EML4: variants seen among roughly 807,000 people sequenced by gnomAD.
EML4 encodes EMAP like 4.
EML4 carries 72 observed loss-of-function variants against 129.0 expected under a neutral mutation model. The ratio of observed to expected loss-of-function variants is 0.56; its 90% CI spans 0.46 to 0.68. The LOEUF is 0.68. EML4 is among the 30% of genes least tolerant of loss of function. The probability of loss-of-function intolerance (pLI) is 0.00; values close to 1 mark genes in which losing one functional copy is unlikely to be tolerated. For missense variants in EML4, 1,363 were observed against 1,190.6 expected (o/e 1.14, Z -2.13); for synonymous variants, 532 against 405.0 (o/e 1.31, Z -3.77).
At chr2:42,262,214 G>A (rs1284537846) in intron 4 of EML4, among the ~76,000 whole-genome samples, 1 of 151,998 alleles carries the variant, frequency 6.6e-6, no homozygotes, top group East Asian at 1.9e-4. Context: ...ATCGCTAATG[G>A]AAATTGGGAA....
At position 42,304,557 on chromosome 2, in the gene EML4, G is replaced by C. The variant is rs763385705; in HGVS notation, c.1967+6G>C. 6.8e-6 allele frequency: 11 copies of C among 1,610,288 alleles called. No homozygotes were observed. In the African/African-American group the frequency reaches 1.5e-4, roughly 21 times the overall value. On this transcript the variant is annotated splice_donor_region_variant and intron_variant, in intron 17 of 22. Transcript: ENST00000318522. The stretch of plus-strand genomic sequence containing the variant: ...ATAGGAACGCACTCAGGCAGGTAGG[G>C]TCTTTAAGTGAACTGAGTAATCTGA...
At chr2:42,199,770 G>A (rs540535407) in intron 1 of EML4, among the ~76,000 whole-genome samples, 61 of 152,270 alleles carry the variant, frequency 4.0e-4, no homozygotes, top group African/African-American at 1.4e-3. Flanking sequence ...GAGTGAGCGG[G>A]TAAGCAAGAG....
chr2:42,200,704 A>T (rs1672178818), intron 1 of EML4, among the ~76,000 whole-genome samples: 1 of 152,218 alleles, frequency 6.6e-6, no homozygotes, highest in African/African-American at 2.4e-5. Context: ...TAACAATTCT[A>T]AATTCATATC....
intron 1 of EML4, among the ~76,000 whole-genome samples, chr2:42,224,674 A>T (rs2104139505): frequency 6.6e-6 from 1 of 152,228 alleles, no homozygotes; most frequent in South Asian, 2.1e-4. Flanking sequence ...CTAGCAGTAT[A>T]TGAGGGTTTC....
At chr2:42,205,626 A>G (rs1223543596) in intron 1 of EML4, among the ~76,000 whole-genome samples, 1 of 152,196 alleles carries the variant, frequency 6.6e-6, no homozygotes, top group Non-Finnish European at 1.5e-5. Context: ...GTGCAAAAAG[A>G]AAGGGTTTTT....
In EML4 at chr2:42,326,138, GT is replaced by G; in HGVS notation, c.2243-13del. ...CACAAGCACTATGATTATACTTCCT[GT>G]TTCTAAATTTAAAGGGGACATTCCA... On this transcript the variant is annotated splice_polypyrimidine_tract_variant and intron_variant, in intron 20 of 22. Transcript: ENST00000318522. 1 of 1,611,434 alleles carries G rather than the reference GT, an allele frequency of 6.2e-7. No homozygotes were observed. The highest frequency in any genetic ancestry group is 8.5e-7 in the Non-Finnish European group (1 of 1,179,040).
At chr2:42,179,394 C>T (rs1232071166) in intron 1 of EML4, among the ~76,000 whole-genome samples, 1 of 151,294 alleles carries the variant, frequency 6.6e-6, no homozygotes, top group Admixed American at 6.6e-5. Context: ...GGGGAAAATA[C>T]AATAAAGGAT....
At chr2:42,324,653 A>T (rs1236996370) in intron 19 of EML4, among the ~76,000 whole-genome samples, 4 of 152,234 alleles carry the variant, frequency 2.6e-5, no homozygotes, top group Non-Finnish European at 4.4e-5. Context: ...AGCACAGTAG[A>T]AATTAAATGT....
intron 9 of EML4, among the ~76,000 whole-genome samples, 159 bp downstream of exon 9, chr2:42,284,862 C>T (rs1667201756): frequency 6.6e-6 from 1 of 152,014 alleles, no homozygotes; most frequent in Admixed American, 6.5e-5. Flanking sequence ...GATATAAGAA[C>T]ACTTTAAAAG....
chr2:42,281,325 G>T (rs907276364), intron 7 of EML4, among the ~76,000 whole-genome samples: 1 of 151,658 alleles, frequency 6.6e-6, no homozygotes, highest in East Asian at 1.9e-4. Context: ...CCCGGGAGGC[G>T]GAGGTTGCAG....
intron 22 of EML4, 40 bp from the exon 23 acceptor site, chr2:42,329,694 T>C (rs1669995017): frequency 1.3e-6 from 2 of 1,540,136 alleles, no homozygotes; most frequent in African/African-American, 2.7e-5. Flanking sequence ...ATGTCAAGAA[T>C]GAGTTTAATT....
intron 1 of EML4, among the ~76,000 whole-genome samples, chr2:42,182,212 G>A (rs1450303120): frequency 6.7e-6 from 1 of 148,234 alleles, no homozygotes; most frequent in Non-Finnish European, 1.5e-5. Context: ...CATTGTGCAG[G>A]TTAGTTACAT....
intron 1 of EML4, among the ~76,000 whole-genome samples, chr2:42,197,758 C>T (rs937601333): frequency 1.3e-5 from 2 of 152,160 alleles, no homozygotes; most frequent in South Asian, 4.1e-4. Flanking sequence ...GAATAAATGT[C>T]AGTTAAGCCA....
chr2:42,204,284 A>G (rs984940815), intron 1 of EML4, among the ~76,000 whole-genome samples: 5 of 152,192 alleles, frequency 3.3e-5, no homozygotes, highest in African/African-American at 7.2e-5. Flanking sequence ...TCGACAAGCT[A>G]TATAAGCAGT....
Position 42,329,839 on chromosome 2 carries a change from A to G in EML4, c.2578A>G (p.Ile860Val). Residue 860 changes from isoleucine (I) to valine (V), a missense_variant, in exon 23 of 23, where the codon ATT becomes GTT. Transcript: ENST00000318522. ...AACTGGTGGAAAAGACATGAGCATCATTCAGTGGAAACTTGTGGAAAAGTT... is the reference window on the plus strand; with the variant it reads ...AACTGGTGGAAAAGACATGAGCATCGTTCAGTGGAAACTTGTGGAAAAGTT... ...ISTGGKDMSI[I>V]QWKLVEKLSL... 1 of 1,614,184 alleles carries G rather than the reference A, an allele frequency of 6.2e-7. No individual in the cohort carries two copies.
At chr2:42,191,554 A>G (rs1178741211) in intron 1 of EML4, among the ~76,000 whole-genome samples, 1 of 152,188 alleles carries the variant, frequency 6.6e-6, no homozygotes, top group Non-Finnish European at 1.5e-5. Flanking sequence ...GGGAGAGTGG[A>G]TAGTTTCTCA....
chr2:42,258,500 A>G (rs78899455), intron 3 of EML4, among the ~76,000 whole-genome samples: 9 of 152,052 alleles, frequency 5.9e-5, no homozygotes. Flanking sequence ...TCCCGTGTTC[A>G]AGAGATTCTC....
intron 18 of EML4, among the ~76,000 whole-genome samples, chr2:42,316,477 A>G (rs954473337): frequency 6.6e-6 from 1 of 152,228 alleles, no homozygotes; most frequent in Non-Finnish European, 1.5e-5. Context: ...TTTAGAATCT[A>G]GTGCATTGTT....
intron 2 of EML4, among the ~76,000 whole-genome samples, chr2:42,254,617 GTT>G (rs59855376): frequency 2.0e-3 from 287 of 145,542 alleles, no homozygotes; most frequent in East Asian, 5.1e-3. Context: ...ACCCTCTTGA[GTT>G]TTTTTTTTTT....
Sources: allele counts gnomAD v4.1 joint callset (sites outside exome capture counted in the v4.1 genomes callset), GRCh38; gene constraint gnomAD v4.1.1; transcripts MANE v1.5; gene names NCBI Gene and HGNC (gene_info 2026-07-23, HGNC 2026-07-21).